The following PTP4A3 variants were observed in gnomAD, a reference collection of about 807,000 sequenced individuals.
The protein encoded by PTP4A3 is protein tyrosine phosphatase type IVA 3.
In PTP4A3, 9 loss-of-function variants were observed where a neutral mutation model predicts 15.2. That is an observed-to-expected ratio of 0.59 (90% CI 0.36 to 1.03). The LOEUF is 1.03. Ranked by LOEUF, PTP4A3 falls within the 50% of genes least tolerant of loss-of-function variation. The pLI is 0.02. For synonymous variants in PTP4A3, 95 were observed against 102.0 expected (o/e 0.93, Z 0.41); for missense variants, 234 against 252.1 (o/e 0.93, Z 0.49).
intron 1 of PTP4A3, among the ~76,000 whole-genome samples, chr8:141,408,385 A>G (rs1425272532): frequency 2.0e-5 from 3 of 152,214 alleles, no homozygotes; most frequent in Non-Finnish European, 4.4e-5. Flanking sequence ...TTGGGAGGCC[A>G]AGGTGGGCGG....
At chr8:141,399,381 G>A (rs1425966997) in intron 1 of PTP4A3, among the ~76,000 whole-genome samples, 1 of 152,136 alleles carries the variant, frequency 6.6e-6, no homozygotes, top group Non-Finnish European at 1.5e-5. Context: ...CTGGCCAGCT[G>A]CCCAGAGGCC....
intron 2 of PTP4A3, among the ~76,000 whole-genome samples, chr8:141,423,871 A>C (rs1363004187): frequency 2.0e-5 from 3 of 149,374 alleles, no homozygotes. Context: ...ACCCAGATCA[A>C]GGCTCGGTAT....
intron 1 of PTP4A3, among the ~76,000 whole-genome samples, chr8:141,403,846 G>C (rs114337684): frequency 6.6e-6 from 1 of 152,242 alleles, no homozygotes; most frequent in Non-Finnish European, 1.5e-5. Flanking sequence ...GCGGCTTCCT[G>C]TATTGCCACG....
chr8:141,403,299 T>A (rs977821995), intron 1 of PTP4A3, among the ~76,000 whole-genome samples: 3 of 152,220 alleles, frequency 2.0e-5, no homozygotes, highest in Non-Finnish European at 4.4e-5. Context: ...CTGCCCTCCC[T>A]GGTGTTGCTG....
At chr8:141,413,871 A>ATTGGTGTAAAGATGCTGTG (rs1832939367) in intron 1 of PTP4A3, among the ~76,000 whole-genome samples, 2 of 150,786 alleles carry the variant, frequency 1.3e-5, no homozygotes, top group African/African-American at 4.9e-5. Flanking sequence ...AAGATGCGGT[A>ATTGGTGTAAAGATGCTGTG]TGGACAGGAG....
intron 1 of PTP4A3, among the ~76,000 whole-genome samples, chr8:141,410,106 A>C (rs1408168868): frequency 6.6e-6 from 1 of 152,016 alleles, no homozygotes; most frequent in Non-Finnish European, 1.5e-5. Flanking sequence ...GTCACAGCCC[A>C]CATGGCCTGC....
chr8:141,412,145 G>A (rs1027534511), intron 1 of PTP4A3, among the ~76,000 whole-genome samples: 2 of 152,238 alleles, frequency 1.3e-5, no homozygotes, highest in African/African-American at 4.8e-5. Flanking sequence ...GCTGCGCTGG[G>A]CAGTGGCTAA....
At chr8:141,407,568 A>T (rs1488261283) in intron 1 of PTP4A3, among the ~76,000 whole-genome samples, 8 of 139,882 alleles carry the variant, frequency 5.7e-5, no homozygotes, top group South Asian at 2.3e-4. Flanking sequence ...TAAACTTTCT[A>T]TTTTTTTTTT....
chr8:141,430,820 A>C (rs1833836499), intron 5 of PTP4A3, 107 bp from the exon 6 acceptor site: 7 of 1,059,256 alleles, frequency 6.6e-6, no homozygotes, highest in Admixed American at 5.9e-5. Flanking sequence ...GCCAGCCTCA[A>C]GGCCTTACTC....
rs1397226291 is a variant in PTP4A3, at chr8:141,411,276, G to C, written c.-853-10112G>C. On this transcript the variant is annotated intron_variant, in intron 1 of 5. Coordinates refer to ENST00000521578, the MANE Select transcript of PTP4A3 (RefSeq NM_032611.3). ...ATGGTGGTGGCCTGTAAAAGCCAGTGATGTGACTATGAAACCAATCCACTC... is the reference window on the plus strand; with the variant it reads ...ATGGTGGTGGCCTGTAAAAGCCAGTCATGTGACTATGAAACCAATCCACTC... Among the ~76,000 whole-genome samples the C allele has an allele frequency of 2.0e-5, 3 of 152,344 alleles. No individual in the cohort carries two copies. In the South Asian group the frequency reaches 6.2e-4, roughly 32 times the overall value.
intron 1 of PTP4A3, among the ~76,000 whole-genome samples, chr8:141,413,858 T>C (rs1378970475): frequency 1.4e-5 from 2 of 143,664 alleles, no homozygotes; most frequent in Non-Finnish European, 2.9e-5. Context: ...CCAGGCAAGA[T>C]GAAAGATGCG....
chr8:141,396,884 C>T (rs1042220867), intron 1 of PTP4A3, among the ~76,000 whole-genome samples: 7 of 152,146 alleles, frequency 4.6e-5, no homozygotes, highest in Non-Finnish European at 7.3e-5. Context: ...GTTCCAGACA[C>T]AGTGGATGAA....
rs1336412990 is a variant in PTP4A3 at position 141,432,042 on chromosome 8, A to T, written c.*998A>T. The T allele has an allele frequency of 3.3e-5, 5 of 152,408 alleles. No individual in the cohort carries two copies. Among genetic ancestry groups the T allele is most frequent in the African/African-American group, 1.2e-4 (5 of 41,436 alleles). The allele number at this position is 152,408 out of a possible 1,614,324, so 9.4% of individuals were successfully genotyped here. A position where few individuals can be genotyped will look rare whatever the true frequency, so the allele number is the denominator to read the frequency against. ...GACCAGGGCCCGCCGGAGGGCGTGG[A>T]CCAGATGCTCATGTGTTCCTGGGTG... On this transcript the variant is annotated 3_prime_UTR_variant, in exon 6 of 6. Transcript: ENST00000521578.
intron 1 of PTP4A3, among the ~76,000 whole-genome samples, chr8:141,420,096 G>A (rs1215320827): frequency 1.3e-5 from 2 of 152,216 alleles, no homozygotes; most frequent in Admixed American, 6.5e-5. Flanking sequence ...CCTGCCTGGT[G>A]GGCAGCTGGG....
chr8:141,397,617 C>T (rs754214723), intron 1 of PTP4A3, among the ~76,000 whole-genome samples: 1 of 151,964 alleles, frequency 6.6e-6, no homozygotes, highest in Non-Finnish European at 1.5e-5. Context: ...AGGCAGGTGG[C>T]GGGGCGGGTA....
At chr8:141,413,661 G>A (rs879352544) in intron 1 of PTP4A3, among the ~76,000 whole-genome samples, 4 of 152,268 alleles carry the variant, frequency 2.6e-5, no homozygotes, top group Admixed American at 1.3e-4. Context: ...GTGTGCGCAT[G>A]TGAGTGGGGC....
At chr8:141,415,362 C>T (rs1187545714) in intron 1 of PTP4A3, among the ~76,000 whole-genome samples, 2 of 151,886 alleles carry the variant, frequency 1.3e-5, no homozygotes, top group Non-Finnish European at 2.9e-5. Context: ...CCCCTCCCGC[C>T]CCCTCCCGCT....
At chr8:141,426,543 C>T (rs537969146) in intron 3 of PTP4A3, 2 of 985,450 alleles carry the variant, frequency 2.0e-6, no homozygotes, top group South Asian at 4.7e-5. Flanking sequence ...AGACCCTTTG[C>T]ACCAGCCGAC....
In PTP4A3 at chr8:141,430,980, G is replaced by C; in HGVS notation, c.458G>C (p.Arg153Pro). Reference protein sequence around the residue: ...SKQLTYLEKYRPKQRLRFKDP... With the variant: ...SKQLTYLEKYPPKQRLRFKDP... ...CAGCTCACCTACCTGGAGAAATACCGGCCCAAACAGAGGCTGCGGTTCAAA... is the reference window on the plus strand; with the variant it reads ...CAGCTCACCTACCTGGAGAAATACCCGCCCAAACAGAGGCTGCGGTTCAAA... The change falls in exon 6 of 6, where the codon CGG (arginine) becomes CCG (proline). Residue 153 changes from arginine (R) to proline (P), a missense_variant. Transcript: ENST00000521578. 3 of 1,613,336 alleles carry C rather than the reference G, an allele frequency of 1.9e-6. No individual in the cohort carries two copies. Among genetic ancestry groups the C allele is most frequent in the Non-Finnish European group, 2.5e-6 (3 of 1,179,950 alleles).
Sources: gnomAD v4.1 joint callset for allele counts (sites outside exome capture counted in the v4.1 genomes callset) on GRCh38, gnomAD v4.1.1 for gene constraint, MANE v1.5 for transcripts, NCBI Gene and HGNC (gene_info 2026-07-23, HGNC 2026-07-21) for gene names.